Variants in ITGB6 observed in about 807,000 individuals in gnomAD.
ITGB6 encodes the protein integrin subunit beta 6, also known as integrin beta-6.
Under a neutral mutation model 84.5 loss-of-function variants are expected in ITGB6, and 80 were observed. That is an observed-to-expected ratio of 0.95 (90% CI 0.79 to 1.14). The LOEUF (loss-of-function observed/expected upper bound fraction) is 1.14. Ranked by LOEUF, ITGB6 falls within the 50% of genes most tolerant of loss-of-function variation. The probability of loss-of-function intolerance (pLI) is 0.00; values close to 1 mark genes in which losing one functional copy is unlikely to be tolerated. For synonymous variants in ITGB6, 383 were observed against 354.9 expected, an observed-to-expected ratio of 1.08 and a Z score of -0.89; for missense variants, 1,006 against 968.0, an observed-to-expected ratio of 1.04 and a Z score of -0.52.
chr2:160,107,830 G>A lies in ITGB6; in HGVS notation c.2117C>T (p.Pro706Leu). 6.2e-7 allele frequency: 1 copy of A among 1,609,204 alleles called. No individual in the cohort carries two copies. Among genetic ancestry groups the A allele is most frequent in the Non-Finnish European group, 8.5e-7 (1 of 1,176,610 alleles). The change falls in exon 14 of 15, where the codon CCA becomes CTA. Residue 706 changes from proline to leucine, a missense_variant. Pro to Leu is a moderately conservative substitution (Grantham distance 98). Transcript: ENST00000283249. ...CCCTAACATGATCATGGGAATGTTTGGAGGCTTCGGACAATCTGCAGAAAT... is the reference window on the plus strand; with the variant it reads ...CCCTAACATGATCATGGGAATGTTTAGAGGCTTCGGACAATCTGCAGAAAT... ...SINEKDCPKP[P>L]NIPMIMLGVS...
chr2:160,175,171 A>T (rs1351300038), intron 4 of ITGB6, among the ~76,000 whole-genome samples: 1 of 152,250 alleles, frequency 6.6e-6, no homozygotes, highest in Non-Finnish European at 1.5e-5. Context: ...CCTTGGCTCT[A>T]CAGGTCCAGT....
chr2:160,105,532 G>A (rs946884070), intron 14 of ITGB6, among the ~76,000 whole-genome samples: 1 of 152,156 alleles, frequency 6.6e-6, no homozygotes, highest in Non-Finnish European at 1.5e-5. Flanking sequence ...GTCAACCAAA[G>A]GCTGTGCTTA....
chr2:160,125,961 G>T (rs943243129), intron 11 of ITGB6, among the ~76,000 whole-genome samples: 11 of 152,156 alleles, frequency 7.2e-5, no homozygotes, highest in Admixed American at 5.2e-4. Flanking sequence ...AATCAGTAAG[G>T]TCAGGCTATA....
intron 4 of ITGB6, among the ~76,000 whole-genome samples, chr2:160,188,464 G>T (rs929603823): frequency 6.6e-6 from 1 of 151,930 alleles, no homozygotes; most frequent in African/African-American, 2.4e-5. Context: ...TCTCCTTCAG[G>T]TCTCCAATTT....
At chr2:160,160,415 G>A (rs964151235) in intron 7 of ITGB6, among the ~76,000 whole-genome samples, 1 of 152,144 alleles carries the variant, frequency 6.6e-6, no homozygotes, top group African/African-American at 2.4e-5. Flanking sequence ...AGAAAAAAGT[G>A]TGCCAACCCT....
chr2:160,123,786 A>C lies in ITGB6; in HGVS notation c.1981+5T>G. On this transcript the variant is annotated splice_donor_5th_base_variant and intron_variant, in intron 12 of 14. Transcript: ENST00000283249. ...AAATGAAAAACAATTTAAGACAAGC[A>C]GAACCTTCTTCTTCACTGATGGTCG... The C allele has an allele frequency of 6.2e-7, 1 of 1,609,944 alleles. No homozygotes were observed. Among genetic ancestry groups the C allele is most frequent in the South Asian group, 1.1e-5 (1 of 90,972 alleles).
At chr2:160,166,614 G>A (rs1685009471) in intron 7 of ITGB6, among the ~76,000 whole-genome samples, 1 of 151,980 alleles carries the variant, frequency 6.6e-6, no homozygotes, top group Admixed American at 6.6e-5. Context: ...TTTTTAACTT[G>A]GGTAATTGAA....
intron 4 of ITGB6, among the ~76,000 whole-genome samples, chr2:160,177,814 A>G (rs1344033695): frequency 6.6e-6 from 1 of 152,180 alleles, no homozygotes; most frequent in African/African-American, 2.4e-5. Flanking sequence ...CCCTTAGAGC[A>G]CTTGAAGTAG....
intron 4 of ITGB6, among the ~76,000 whole-genome samples, chr2:160,182,251 G>C (rs1685709153): frequency 6.6e-6 from 1 of 152,060 alleles, no homozygotes; most frequent in Non-Finnish European, 1.5e-5. Context: ...CTTGAAAAAA[G>C]GTTAGAGGAA....
chr2:160,111,063 T>C (rs1047817641), intron 13 of ITGB6, among the ~76,000 whole-genome samples: 3 of 152,036 alleles, frequency 2.0e-5, no homozygotes, highest in Non-Finnish European at 4.4e-5. Flanking sequence ...GTGCCACTCT[T>C]ATTGTGTGGA....
At chr2:160,185,897 G>A (rs972788058) in intron 4 of ITGB6, among the ~76,000 whole-genome samples, 5 of 152,164 alleles carry the variant, frequency 3.3e-5, no homozygotes, top group African/African-American at 7.2e-5. Context: ...AATAAATGGT[G>A]TTGGGAAAAC....
intron 4 of ITGB6, among the ~76,000 whole-genome samples, chr2:160,190,519 A>G (rs1008818363): frequency 6.6e-6 from 1 of 152,196 alleles, no homozygotes; most frequent in African/African-American, 2.4e-5. Flanking sequence ...GTTAATCACC[A>G]TGCGATACTA....
At chr2:160,188,924 G>C (rs544846801) in intron 4 of ITGB6, among the ~76,000 whole-genome samples, 9 of 152,178 alleles carry the variant, frequency 5.9e-5, no homozygotes, top group African/African-American at 1.9e-4. Context: ...TTCTTAGCTA[G>C]AGGCATCACG....
At position 160,112,133 on chromosome 2, in the gene ITGB6, A is replaced by G. The variant is rs749058952; in HGVS notation, c.2048T>C (p.Leu683Pro). The change falls in exon 13 of 15, where the codon CTA (leucine) becomes CCA (proline). Residue 683 changes from leucine (L) to proline (P), a missense_variant. Physicochemically the swap from Leu to Pro is moderately conservative, Grantham distance 98. Transcript: ENST00000283249. ...QGENECLITF[L>P]ITTDNEGKTI... ...TTTCCCCTCATTATCTGTAGTTATTAGGAATGTAATAAGACATTCATTTTC... is the reference window on the plus strand; with the variant it reads ...TTTCCCCTCATTATCTGTAGTTATTGGGAATGTAATAAGACATTCATTTTC... 1.9e-6 allele frequency: 3 copies of G among 1,612,574 alleles called. No individual in the cohort carries two copies. The South Asian group carries it at 3.3e-5, about 18-fold the overall frequency.
chr2:160,133,772 C>T (rs568278068), intron 10 of ITGB6, among the ~76,000 whole-genome samples: 11 of 152,168 alleles, frequency 7.2e-5, no homozygotes, highest in Non-Finnish European at 1.5e-4. Flanking sequence ...TGCTCAACTA[C>T]ATGGAACCTG....
intron 4 of ITGB6, among the ~76,000 whole-genome samples, chr2:160,174,676 C>A: frequency 6.6e-6 from 1 of 152,120 alleles, no homozygotes; most frequent in South Asian, 2.1e-4. Context: ...ATAGGCCAGT[C>A]TAGAAATAAA....
intron 4 of ITGB6, 26 bp from the exon 5 acceptor site, chr2:160,174,165 T>C (rs758384598): frequency 6.5e-6 from 10 of 1,540,754 alleles, no homozygotes; most frequent in Middle Eastern, 2.2e-4. Flanking sequence ...GCAAAAATAC[T>C]GTTGATGAAA....
chr2:160,126,297 G>A, intron 11 of ITGB6, 82 bp downstream of exon 11: 1 of 1,284,892 alleles, frequency 7.8e-7, no homozygotes, highest in Non-Finnish European at 1.1e-6. Flanking sequence ...ACAATCTGAG[G>A]TCTGAGTTTA....
At chr2:160,165,600 C>T (rs1235421908) in intron 7 of ITGB6, among the ~76,000 whole-genome samples, 3 of 152,148 alleles carry the variant, frequency 2.0e-5, no homozygotes, top group African/African-American at 7.2e-5. Context: ...TTATTGATTC[C>T]TGAAAAATGG....
Sources: allele counts gnomAD v4.1 joint callset (sites outside exome capture counted in the v4.1 genomes callset), GRCh38; gene constraint gnomAD v4.1.1; transcripts MANE v1.5; gene names NCBI Gene and HGNC (gene_info 2026-07-23, HGNC 2026-07-21).